UBE2G2: variants seen among roughly 807,000 people sequenced by gnomAD.
UBE2G2 encodes the protein ubiquitin conjugating enzyme E2 G2, also known as ubiquitin-conjugating enzyme E2 G2.
In UBE2G2, 10 loss-of-function variants were observed where a neutral mutation model predicts 23.0. The observed-to-expected ratio is 0.43, with a 90% CI of 0.27 to 0.74. The LOEUF (loss-of-function observed/expected upper bound fraction) is 0.74, where lower values mean the gene tolerates loss of function less well. UBE2G2 is among the 30% of genes least tolerant of loss of function. The pLI, the probability that UBE2G2 is intolerant of heterozygous loss-of-function variation, is 0.19. For missense variants in UBE2G2, 150 were observed against 218.3 expected, an observed-to-expected ratio of 0.69 and a Z score of 1.97; for synonymous variants, 86 against 81.3, an observed-to-expected ratio of 1.06 and a Z score of -0.31.
At chr21:44,781,479 T>C (rs1555961328) in intron 3 of UBE2G2, among the ~76,000 whole-genome samples, 1 of 152,204 alleles carries the variant, frequency 6.6e-6, no homozygotes, top group Non-Finnish European at 1.5e-5. Context: ...CTGGGCACTT[T>C]AAAAGCCCTA....
At position 44,781,587 on chromosome 21, in the gene UBE2G2, G is replaced by A. The variant is rs377242570; in HGVS notation, c.126-4170C>T. ...CCCAATACCCTCGTAGCAAGAGGAC[G>A]AGGCTGTAAGAAGCCGTGATTTGGG... On this transcript the variant is annotated intron_variant, in intron 3 of 5. Coordinates refer to ENST00000345496, the MANE Select transcript of UBE2G2 (RefSeq NM_003343.6). 6.6e-5 allele frequency among the ~76,000 whole-genome samples: 10 copies of A among 152,332 alleles called. No homozygotes were observed. In the East Asian group the frequency reaches 7.7e-4, roughly 12 times the overall value.
intron 3 of UBE2G2, among the ~76,000 whole-genome samples, chr21:44,778,149 T>C (rs2082927203): frequency 6.6e-6 from 1 of 152,252 alleles, no homozygotes; most frequent in South Asian, 2.1e-4. Context: ...GATTACATTG[T>C]ATTTCAACAG....
At chr21:44,778,906 T>C (rs980903255) in intron 3 of UBE2G2, among the ~76,000 whole-genome samples, 1 of 152,160 alleles carries the variant, frequency 6.6e-6, no homozygotes, top group Admixed American at 6.5e-5. Context: ...ACACCAGACC[T>C]ACTGCCTTCA....
In UBE2G2 at chr21:44,788,138, G is replaced by A. The variant is rs368129562; in HGVS notation, c.44-43C>T. ...AAAACCATTACCAAACAGAATAAAT[G>A]TTACATTGTCATTTTAACAAAACAC... is the stretch of plus-strand genomic sequence containing the variant. On this transcript the variant is annotated intron_variant, in intron 1 of 5. Coordinates refer to ENST00000345496, the MANE Select transcript of UBE2G2 (RefSeq NM_003343.6). The A allele has an allele frequency of 2.3e-5, 35 of 1,535,532 alleles. No individual in the cohort carries two copies. In the African/African-American group the frequency reaches 3.9e-4, roughly 17 times the overall value.
At chr21:44,784,321 A>G (rs1424389607) in intron 3 of UBE2G2, among the ~76,000 whole-genome samples, 4 of 152,166 alleles carry the variant, frequency 2.6e-5, no homozygotes, top group Non-Finnish European at 2.9e-5. Context: ...CCATGCCAGG[A>G]TGAAAATTCC....
rs549992183 is a variant in UBE2G2, at chr21:44,772,296, G to A, written c.386-807C>T. On this transcript the variant is annotated intron_variant, in intron 5 of 5. Transcript: ENST00000345496. This position sits in a 1 kb window ranked among gnomAD's most constrained non-coding sequence, Gnocchi z 5.4. ...GCCTGGCTCCCTCCACTCAGCACAT[G>A]AAGAGGGTTCACGCCTCAGCCCTCT... is the stretch of plus-strand genomic sequence containing the variant. Among the ~76,000 whole-genome samples, 4 of 152,176 alleles carry A rather than the reference G, an allele frequency of 2.6e-5. No individual in the cohort carries two copies. The highest frequency in any genetic ancestry group is 6.5e-5 in the Admixed American group (1 of 15,296).
chr21:44,777,906 T>C (rs1555960802), intron 3 of UBE2G2, among the ~76,000 whole-genome samples: 1 of 152,246 alleles, frequency 6.6e-6, no homozygotes, highest in Non-Finnish European at 1.5e-5. Context: ...GAAAGCAATG[T>C]CCCATTCTCC....
intron 3 of UBE2G2, chr21:44,785,547 A>G (rs1241369477): frequency 1.3e-5 from 2 of 152,254 alleles, no homozygotes; most frequent in Non-Finnish European, 2.9e-5. Context: ...CAAGCACAAC[A>G]GCAAAAACCA....
At chr21:44,773,834 G>T (rs1479781168) in intron 4 of UBE2G2, 147 bp from the exon 5 acceptor site, 8 of 1,112,644 alleles carry the variant, frequency 7.2e-6, no homozygotes, top group Non-Finnish European at 9.9e-6. Flanking sequence ...CTGGGGCCCT[G>T]AGTGTCACGC....
At chr21:44,792,643 A>G (rs2083054767) in intron 1 of UBE2G2, among the ~76,000 whole-genome samples, 1 of 152,214 alleles carries the variant, frequency 6.6e-6, no homozygotes, top group South Asian at 2.1e-4. Context: ...CTCAGGTAGT[A>G]TCTTTATGGC....
At chr21:44,773,480 G>T (rs553489785) in intron 5 of UBE2G2, 67 bp downstream of exon 5, 28 of 1,532,980 alleles carry the variant, frequency 1.8e-5, no homozygotes, top group Non-Finnish European at 2.0e-5. Context: ...ACAGGATGAC[G>T]CAAGGCTGGA....
chr21:44,778,430 C>T (rs1025829362), intron 3 of UBE2G2, among the ~76,000 whole-genome samples: 26 of 152,220 alleles, frequency 1.7e-4, no homozygotes, highest in African/African-American at 5.8e-4. Context: ...ACTTTCCTCA[C>T]GTGTAAATGG....
At chr21:44,782,281 T>C (rs1305095398) in intron 3 of UBE2G2, among the ~76,000 whole-genome samples, 2 of 152,226 alleles carry the variant, frequency 1.3e-5, no homozygotes, top group Non-Finnish European at 2.9e-5. Flanking sequence ...AAATGTATCA[T>C]GGCATTGCTG....
At chr21:44,784,436 T>C (rs1354488975) in intron 3 of UBE2G2, among the ~76,000 whole-genome samples, 1 of 152,234 alleles carries the variant, frequency 6.6e-6, no homozygotes, top group Non-Finnish European at 1.5e-5. Context: ...GCAATGAATG[T>C]GGCAATAACT....
chr21:44,801,797 C>T lies in UBE2G2; in HGVS notation c.-49G>A. On this transcript the variant is annotated 5_prime_UTR_variant, in exon 1 of 6. Coordinates refer to ENST00000345496, the MANE Select transcript of UBE2G2 (RefSeq NM_003343.6). ...CGACCTCGCCTCAGCCGCGCGCGTG[C>T]CTCCTGCCCCGACACCGGGGACTGC... The T allele has an allele frequency of 6.7e-7, 1 of 1,496,388 alleles. No homozygotes were observed. Among genetic ancestry groups the T allele is most frequent in the Non-Finnish European group, 8.9e-7 (1 of 1,127,392 alleles). 92.7% of individuals were successfully genotyped at this position (1,496,388 alleles called of 1,614,324 possible). A position where few individuals can be genotyped will look rare whatever the true frequency, so the allele number is the denominator to read the frequency against.
intron 3 of UBE2G2, among the ~76,000 whole-genome samples, chr21:44,785,226 C>A (rs2082986309): frequency 6.6e-6 from 1 of 152,210 alleles, no homozygotes; most frequent in Admixed American, 6.5e-5. Context: ...GGCCACATCC[C>A]CTGGTGTGCC....
Position 44,801,754 on chromosome 21 carries a change from C to T in UBE2G2, c.-6G>A, listed in dbSNP as rs781795412. The T allele has an allele frequency of 6.6e-6, 10 of 1,519,122 alleles. No individual in the cohort carries two copies. The highest frequency in any genetic ancestry group is 1.4e-5 in the African/African-American group (1 of 69,100). The allele number at this position is 1,519,122 out of a possible 1,614,324, so 94.1% of individuals were successfully genotyped here. On this transcript the variant is annotated 5_prime_UTR_variant, in exon 1 of 6. Coordinates refer to ENST00000345496, the MANE Select transcript of UBE2G2 (RefSeq NM_003343.6). ...TTGAGCGCGGTCCCCGCCATGGCCC[C>T]GCAACAGCTGCGCCGAGCGACCTCG... is the stretch of plus-strand genomic sequence containing the variant.
intron 3 of UBE2G2, among the ~76,000 whole-genome samples, 164 bp from the exon 4 acceptor site, chr21:44,777,581 G>A (rs576345973): frequency 3.9e-5 from 6 of 152,338 alleles, no homozygotes; most frequent in African/African-American, 1.4e-4. Context: ...GCCGAGACAG[G>A]CAGATCATCT....
intron 1 of UBE2G2, among the ~76,000 whole-genome samples, chr21:44,793,609 G>A (rs370293486): frequency 2.3e-4 from 32 of 141,846 alleles, no homozygotes; most frequent in South Asian, 1.9e-3. Context: ...ATATACACGC[G>A]TACACAAAAT....
Sources: allele counts gnomAD v4.1 joint callset (sites outside exome capture counted in the v4.1 genomes callset), GRCh38; gene constraint gnomAD v4.1.1; non-coding constraint Gnocchi (gnomAD v3.1); transcripts MANE v1.5; gene names NCBI Gene and HGNC (gene_info 2026-07-23, HGNC 2026-07-21).